Variants in FOXRED2 observed in about 807,000 individuals in gnomAD.
The protein encoded by FOXRED2 is FAD dependent oxidoreductase domain containing 2, also known as FAD-dependent oxidoreductase domain-containing protein 2.
FOXRED2 carries 32 observed loss-of-function variants against 52.5 expected under a neutral mutation model. The ratio of observed to expected loss-of-function variants is 0.61; its 90% CI spans 0.46 to 0.82. The LOEUF (loss-of-function observed/expected upper bound fraction) is 0.82, where lower values mean the gene tolerates loss of function less well. Ranked by LOEUF, FOXRED2 falls within the 40% of genes least tolerant of loss-of-function variation. The probability of loss-of-function intolerance (pLI) is 0.00; values close to 1 mark genes in which losing one functional copy is unlikely to be tolerated. For missense variants in FOXRED2, 848 were observed against 937.5 expected, an observed-to-expected ratio of 0.90 and a Z score of 1.25; for synonymous variants, 405 against 398.1, an observed-to-expected ratio of 1.02 and a Z score of -0.21.
rs1934135791 is a variant in FOXRED2, at chr22:36,504,376, A to T, written c.780-9T>A. On this transcript the variant is annotated splice_polypyrimidine_tract_variant and intron_variant, in intron 3 of 8. Transcript: ENST00000397224. ...GGCCATTGTTGATGGCTCTGAGCCCACAGAGAATGCAGGGGAGAGAGACTC... is the reference window on the plus strand; with the variant it reads ...GGCCATTGTTGATGGCTCTGAGCCCTCAGAGAATGCAGGGGAGAGAGACTC... 6.2e-7 allele frequency: 1 copy of T among 1,613,456 alleles called. No individual in the cohort carries two copies. The highest frequency in any genetic ancestry group is 8.5e-7 in the Non-Finnish European group (1 of 1,179,656).
Position 36,506,415 on chromosome 22 carries a change from A to G in FOXRED2, c.8T>C (p.Leu3Pro). 7.0e-7 allele frequency: 1 copy of G among 1,435,088 alleles called. No homozygotes were observed. Among genetic ancestry groups the G allele is most frequent in the Non-Finnish European group, 9.1e-7 (1 of 1,099,470 alleles). 88.9% of individuals were successfully genotyped at this position (1,435,088 alleles called of 1,614,324 possible). Residue 3 changes from leucine (L) to proline (P), a missense_variant, in exon 2 of 9, where the codon CTC becomes CCC. Physicochemically the swap from Leu to Pro is moderately conservative, Grantham distance 98. Transcript: ENST00000397224. MG[L>P]SAAAPLWGPP... Reference sequence around the variant, plus strand: ...ACCCCACAACGGGGCCGCAGCGGAGAGGCCCATCCTGCAGCAGATCAGAGG... The same window carrying G: ...ACCCCACAACGGGGCCGCAGCGGAGGGGCCCATCCTGCAGCAGATCAGAGG...
chr22:36,488,242 ATTTTT>A lies in FOXRED2; in HGVS notation c.*1761_*1765del, dbSNP rs958147010. The A allele has an allele frequency of 6.6e-6, 1 of 151,522 alleles. No individual in the cohort carries two copies. The highest frequency in any genetic ancestry group is 1.5e-5 in the Non-Finnish European group (1 of 67,912). The allele number at this position is 151,522 out of a possible 1,614,324, so 9.4% of individuals were successfully genotyped here. A position where few individuals can be genotyped will look rare whatever the true frequency, so the allele number is the denominator to read the frequency against. ...GTTGTAGCATACTTTGTTCTTTTTT[ATTTTT>A]TATTTTTTTGAGATGGGGTGTGGGG... On this transcript the variant is annotated 3_prime_UTR_variant, in exon 9 of 9. Coordinates refer to ENST00000397224, the MANE Select transcript of FOXRED2 (RefSeq NM_001102371.2).
rs527405428 is a variant in FOXRED2 at position 36,500,339 on chromosome 22, A to C, written c.1216+902T>G. The stretch of plus-strand genomic sequence containing the variant: ...GCGGCCCTGCCAGGGTCGTGTGTTC[A>C]GTGCTCAGCCCACTGAAGTCACCCA... On this transcript the variant is annotated intron_variant, in intron 5 of 8. Coordinates refer to ENST00000397224, the MANE Select transcript of FOXRED2 (RefSeq NM_001102371.2). Among the ~76,000 whole-genome samples, 69 of 152,272 alleles carry C rather than the reference A, an allele frequency of 4.5e-4. 1 individual carries two copies. The South Asian group carries it at 0.013, about 29-fold the overall frequency.
Position 36,501,415 on chromosome 22 carries a change from TG to T in FOXRED2, c.1050-9del. The T allele has an allele frequency of 6.2e-7, 1 of 1,613,658 alleles. No individual in the cohort carries two copies. Among genetic ancestry groups the T allele is most frequent in the East Asian group, 2.2e-5 (1 of 44,874 alleles). On this transcript the variant is annotated splice_polypyrimidine_tract_variant and intron_variant, in intron 4 of 8. Transcript: ENST00000397224. ...GAGTTAAGTCTGAGGGACCTGTCAG[TG>T]GAAAGGGCTGTTCATGAAAATAGCT...
In FOXRED2 at chr22:36,504,684, C is replaced by G. The variant is rs756559486; in HGVS notation, c.610G>C (p.Val204Leu). The change falls in exon 3 of 9, where the codon GTG (valine) becomes CTG (leucine). Residue 204 changes from valine (V) to leucine (L), a missense_variant. Physicochemically the swap from Val to Leu is conservative, Grantham distance 32 (BLOSUM62 1). Transcript: ENST00000397224. Reference protein sequence around the residue: ...GSEYAEGYESVSVDPEDFVGQ... With the variant: ...GSEYAEGYESLSVDPEDFVGQ... ...ACAAAGTCCTCAGGGTCCACGGACA[C>G]GGACTCGTAACCCTCTGCATATTCG... The G allele has an allele frequency of 1.9e-6, 3 of 1,614,062 alleles. No individual in the cohort carries two copies. The highest frequency in any genetic ancestry group is 2.5e-6 in the Non-Finnish European group (3 of 1,180,036).
At position 36,504,769 on chromosome 22, in the gene FOXRED2, G is replaced by A. The variant is rs754269375; in HGVS notation, c.528-3C>T. 11 of 1,613,942 alleles carry A rather than the reference G, an allele frequency of 6.8e-6. No homozygotes were observed. The Middle Eastern group carries it at 5.0e-4, about 73-fold the overall frequency. On this transcript the variant is annotated splice_polypyrimidine_tract_variant and splice_region_variant and intron_variant, in intron 2 of 8. Transcript: ENST00000397224. ...AACCAGTGGCTACAAAGAGGACGCT[G>A]CAGGCGGGGACAGAGGAAAGATGGC...
chr22:36,497,876 A>G (rs1217631713), intron 6 of FOXRED2, 115 bp downstream of exon 6: 6 of 1,143,278 alleles, frequency 5.2e-6, no homozygotes. Flanking sequence ...TCCCCACAGC[A>G]GCCTTCATCT....
At chr22:36,503,531 G>A (rs1024378687) in intron 4 of FOXRED2, among the ~76,000 whole-genome samples, 3 of 151,718 alleles carry the variant, frequency 2.0e-5, no homozygotes, top group Non-Finnish European at 4.4e-5. Context: ...GGCTGGTCTC[G>A]AACTCCTAAC....
intron 6 of FOXRED2, 65 bp downstream of exon 6, chr22:36,497,926 G>A (rs1266805403): frequency 1.3e-6 from 2 of 1,533,066 alleles, no homozygotes; most frequent in East Asian, 2.3e-5. Context: ...AATAGGAAGA[G>A]AAGCGCTATG....
chr22:36,496,530 G>A (rs185144028), intron 6 of FOXRED2, among the ~76,000 whole-genome samples: 2 of 152,354 alleles, frequency 1.3e-5, no homozygotes, highest in East Asian at 3.9e-4. Context: ...GCTGAGGGGA[G>A]TGAACAGCAG....
At chr22:36,500,823 A>G (rs1427824761) in intron 5 of FOXRED2, among the ~76,000 whole-genome samples, 1 of 152,092 alleles carries the variant, frequency 6.6e-6, no homozygotes, top group African/African-American at 2.4e-5. Flanking sequence ...GCCTGAAGCA[A>G]TCCACCTGCC....
intron 6 of FOXRED2, among the ~76,000 whole-genome samples, chr22:36,497,507 T>TGA (rs1395732654): frequency 6.6e-6 from 1 of 152,160 alleles, no homozygotes; most frequent in Non-Finnish European, 1.5e-5. Context: ...CCCTGCCACC[T>TGA]GTCTCCCCCC....
chr22:36,490,146 C>A lies in FOXRED2; in HGVS notation c.1917G>T (p.Arg639Ser), dbSNP rs764994585. Residue 639 changes from arginine to serine, a missense_variant, in exon 9 of 9, where the codon AGG becomes AGT. Coordinates refer to ENST00000397224, the MANE Select transcript of FOXRED2 (RefSeq NM_001102371.2). The part of the protein sequence containing the change: ...ESLWQHRVES[R>S]LLRDYAPTGR... ...CTGTGGGGGCATAGTCCCGCAGGAG[C>A]CTGCTCTCCACTCTGTGCTGCCAAA... 1.3e-4 allele frequency: 204 copies of A among 1,613,976 alleles called. 2 individuals carry two copies. The South Asian group carries it at 1.8e-3, about 14-fold the overall frequency.
Position 36,496,074 on chromosome 22 carries a change from G to A in FOXRED2, c.1517C>T (p.Pro506Leu), listed in dbSNP as rs1243150723. The stretch of plus-strand genomic sequence containing the variant: ...GTCATCAAAGAAGACGTCCTTGTCG[G>A]GGCCAGAGAAATTTCTGCCATATTC... ...NMEYGRNFSG[P>L]DKDVFFDDRS... Residue 506 changes from proline (P) to leucine (L), a missense_variant, in exon 7 of 9, where the codon CCC (proline) becomes CTC (leucine). Coordinates refer to ENST00000397224, the MANE Select transcript of FOXRED2 (RefSeq NM_001102371.2). 17 of 1,614,112 alleles carry A rather than the reference G, an allele frequency of 1.1e-5. No homozygotes were observed. Among genetic ancestry groups the A allele is most frequent in the Non-Finnish European group, 1.4e-5 (17 of 1,180,052 alleles).
chr22:36,491,570 T>G (rs532131096), intron 8 of FOXRED2, among the ~76,000 whole-genome samples: 8 of 152,108 alleles, frequency 5.3e-5, no homozygotes, highest in Admixed American at 5.2e-4. Context: ...GCTCAGCTAA[T>G]TTTTGTGTTT....
rs35813894 is a variant in FOXRED2 at position 36,501,336 on chromosome 22, T to C, written c.1121A>G (p.Lys374Arg). ...CAGGATAAACAGACCCCGGCTTCCT[T>C]TGGATTCGTAGCTAGCTCGAATCAG... ...YPLIRASYES[K>R]GSRGLFILGT... The change falls in exon 5 of 9, where the codon AAA (lysine) becomes AGA (arginine). Residue 374 changes from lysine to arginine, a missense_variant. Lys to Arg is a conservative substitution (Grantham distance 26, BLOSUM62 2). Transcript: ENST00000397224. 4,267 of 1,614,146 alleles carry C rather than the reference T, an allele frequency of 2.6e-3. 95 individuals are homozygous for C. The African/African-American group carries it at 0.05, about 19-fold the overall frequency.
At chr22:36,504,484 C>A in intron 3 of FOXRED2, 31 bp downstream of exon 3, 4 of 1,613,062 alleles carry the variant, frequency 2.5e-6, no homozygotes, top group Non-Finnish European at 3.4e-6. Flanking sequence ...GGGCTCCCAG[C>A]ACAGAACACA....
intron 2 of FOXRED2, 73 bp from the exon 3 acceptor site, chr22:36,504,839 GACCCACCC>G: frequency 6.5e-7 from 1 of 1,529,082 alleles, no homozygotes; most frequent in South Asian, 1.2e-5. Context: ...CCACTCCCTG[GACCCACCC>G]ACCCACCTGC....
chr22:36,503,762 C>G (rs564576978), intron 4 of FOXRED2, among the ~76,000 whole-genome samples: 1 of 152,234 alleles, frequency 6.6e-6, no homozygotes, highest in Non-Finnish European at 1.5e-5. Context: ...CAGGACAATT[C>G]CGGCACCTGT....
Sources: gnomAD v4.1 joint callset for allele counts (sites outside exome capture counted in the v4.1 genomes callset) on GRCh38, gnomAD v4.1.1 for gene constraint, MANE v1.5 for transcripts, NCBI Gene and HGNC (gene_info 2026-07-23, HGNC 2026-07-21) for gene names.